The following FAM91A1 variants were observed in gnomAD, a reference collection of about 807,000 sequenced individuals.
FAM91A1 encodes the protein family with sequence similarity 91 member A1.
A neutral mutation model predicts 113.5 loss-of-function variants in FAM91A1; 41 were observed. The observed-to-expected ratio is 0.36, with a 90% CI of 0.28 to 0.47. FAM91A1 has a LOEUF of 0.47. FAM91A1 is among the 20% of genes least tolerant of loss of function. FAM91A1 has a pLI of 1.00. For synonymous variants in FAM91A1, 307 were observed against 347.9 expected (o/e 0.88, Z 1.31); for missense variants, 696 against 1,001.2 (o/e 0.70, Z 4.11).
chr8:123,798,386 A>G (rs1309098874), intron 16 of FAM91A1, 148 bp downstream of exon 16: 9 of 870,972 alleles, frequency 1.0e-5, no homozygotes, highest in Non-Finnish European at 1.2e-5. Flanking sequence ...GATATGTTCA[A>G]TTTGTGGAGT....
intron 19 of FAM91A1, among the ~76,000 whole-genome samples, 192 bp from the exon 20 acceptor site, chr8:123,805,888 A>G (rs768872710): frequency 2.0e-5 from 3 of 152,222 alleles, no homozygotes; most frequent in African/African-American, 4.8e-5. Context: ...TAATTTAGGC[A>G]TGTGATTTCA....
chr8:123,777,945 T>C (rs2130056922), intron 4 of FAM91A1, 80 bp from the exon 5 acceptor site: 1 of 1,248,138 alleles, frequency 8.0e-7, no homozygotes, highest in South Asian at 1.3e-5. Flanking sequence ...TAAGCTCGGG[T>C]TTTTCCTACA....
At chr8:123,788,373 C>A (rs1349721685) in intron 14 of FAM91A1, 3 of 459,918 alleles carry the variant, frequency 6.5e-6, no homozygotes, top group Non-Finnish European at 8.6e-6. Context: ...CTAATCTGTT[C>A]CTTGACTAAT....
intron 23 of FAM91A1, among the ~76,000 whole-genome samples, chr8:123,811,817 T>A (rs935883348): frequency 3.9e-5 from 6 of 151,996 alleles, no homozygotes; most frequent in African/African-American, 1.2e-4. Flanking sequence ...CTGAGAAGCG[T>A]GGAGTAGGTG....
chr8:123,780,415 G>A, intron 7 of FAM91A1, 65 bp from the exon 8 acceptor site: 1 of 1,269,540 alleles, frequency 7.9e-7, no homozygotes, highest in African/African-American at 1.5e-5. Context: ...CCAGGAATTA[G>A]TTTTTTTAAA....
chr8:123,809,109 A>G (rs1815887253), intron 22 of FAM91A1, 93 bp downstream of exon 22: 2 of 1,517,748 alleles, frequency 1.3e-6, no homozygotes, highest in Non-Finnish European at 1.8e-6. Context: ...ACACATGAGC[A>G]CAGTAATTGT....
chr8:123,807,157 GTACT>G (rs1815831693), intron 20 of FAM91A1, among the ~76,000 whole-genome samples: 1 of 151,922 alleles, frequency 6.6e-6, no homozygotes. Context: ...ATTGAGATAG[GTACT>G]TACTCCTATC....
At chr8:123,809,295 T>C (rs1815891917) in intron 22 of FAM91A1, among the ~76,000 whole-genome samples, 1 of 152,198 alleles carries the variant, frequency 6.6e-6, no homozygotes, top group African/African-American at 2.4e-5. Flanking sequence ...ATGGGCATGC[T>C]GATATGGAGT....
At chr8:123,771,435 G>T (rs190033979) in intron 1 of FAM91A1, among the ~76,000 whole-genome samples, 28 of 152,258 alleles carry the variant, frequency 1.8e-4, no homozygotes, top group Non-Finnish European at 3.7e-4. Flanking sequence ...CCTTGAAAAT[G>T]ACTCATTTTC....
chr8:123,785,606 A>G, intron 10 of FAM91A1, 23 bp from the exon 11 acceptor site: 1 of 1,452,248 alleles, frequency 6.9e-7, no homozygotes, highest in Middle Eastern at 2.3e-4. Flanking sequence ...AATGGTAATT[A>G]GTTTCCTTTA....
intron 22 of FAM91A1, 85 bp downstream of exon 22, chr8:123,809,101 A>T (rs1288229450): frequency 1.0e-5 from 16 of 1,536,268 alleles, no homozygotes; most frequent in Non-Finnish European, 1.4e-5. Flanking sequence ...TTTATTCCAC[A>T]CATGAGCACA....
At chr8:123,793,857 T>C (rs1408853133) in intron 15 of FAM91A1, among the ~76,000 whole-genome samples, 1 of 152,218 alleles carries the variant, frequency 6.6e-6, no homozygotes, top group African/African-American at 2.4e-5. Flanking sequence ...GCTACCTTGC[T>C]CTTCTGAAGT....
rs1387982938 is a variant in FAM91A1 at position 123,799,816 on chromosome 8, A to C, written c.1740A>C (p.Gly580=). 2 of 1,610,252 alleles carry C rather than the reference A, an allele frequency of 1.2e-6. No individual in the cohort carries two copies. The highest frequency in any genetic ancestry group is 4.5e-5 in the East Asian group (2 of 44,774). Reference sequence around the variant, plus strand: ...TAACATCTTGGGGTCATGATCCTGGAGTAGTTCCTACCTCAAATGTGCTCA... The same window carrying C: ...TAACATCTTGGGGTCATGATCCTGGCGTAGTTCCTACCTCAAATGTGCTCA... The part of the protein sequence containing the change: ...LLITSWGHDP[G]VVPTSNVLTM... The change falls in exon 18 of 24, where the codon GGA becomes GGC. Residue 580 remains glycine, a synonymous_variant. Transcript: ENST00000334705.
At position 123,781,731 on chromosome 8, in the gene FAM91A1, C is replaced by T. The variant is rs1029001507; in HGVS notation, c.703+1189C>T. Reference sequence around the variant, plus strand: ...AACTCCTGACCTCAAGCAATCTGCCCGCCTCGGCCTCCCAAAGTGCTGGGA... The same window carrying T: ...AACTCCTGACCTCAAGCAATCTGCCTGCCTCGGCCTCCCAAAGTGCTGGGA... On this transcript the variant is annotated intron_variant, in intron 8 of 23. Coordinates refer to ENST00000334705, the MANE Select transcript of FAM91A1 (RefSeq NM_144963.4). Among the ~76,000 whole-genome samples, 19 of 152,236 alleles carry T rather than the reference C, an allele frequency of 1.2e-4. 1 individual carries two copies. Among genetic ancestry groups the T allele is most frequent in the South Asian group, 8.3e-4 (4 of 4,832 alleles).
At chr8:123,788,082 A>G in intron 14 of FAM91A1, 1 of 648,712 alleles carries the variant, frequency 1.5e-6, no homozygotes, top group Non-Finnish European at 1.9e-6. Context: ...TTTTTCTGGT[A>G]TGACTCTCTA....
In FAM91A1 at chr8:123,789,613, G is replaced by A. The variant is rs1188636066; in HGVS notation, c.1279G>A (p.Val427Ile). The change falls in exon 15 of 24, where the codon GTT (valine) becomes ATT (isoleucine). Residue 427 changes from valine to isoleucine, a missense_variant and splice_region_variant. Coordinates refer to ENST00000334705, the MANE Select transcript of FAM91A1 (RefSeq NM_144963.4). ...CAAAATCTATTTTCTCTTGGTTTAG[G>A]TTCAGAGCACTGGTGAAGGAGAAGC... is the stretch of plus-strand genomic sequence containing the variant. ...LDSFLIELEK[V>I]QSTGEGEAQR... 9.9e-6 allele frequency: 16 copies of A among 1,611,422 alleles called. 1 individual carries two copies. Among genetic ancestry groups the A allele is most frequent in the Admixed American group, 1.7e-5 (1 of 59,956 alleles).
At chr8:123,791,135 T>A (rs2130106012) in intron 15 of FAM91A1, among the ~76,000 whole-genome samples, 1 of 152,262 alleles carries the variant, frequency 6.6e-6, no homozygotes, top group South Asian at 2.1e-4. Flanking sequence ...GTGAGAACAT[T>A]AGAGAGTACT....
chr8:123,795,028 G>T (rs1466581725), intron 15 of FAM91A1, among the ~76,000 whole-genome samples: 1 of 152,138 alleles, frequency 6.6e-6, no homozygotes, highest in Non-Finnish European at 1.5e-5. Flanking sequence ...TTTTATGTGG[G>T]TGCAGGATTA....
chr8:123,807,804 T>C (rs953007507), intron 20 of FAM91A1, among the ~76,000 whole-genome samples: 2 of 152,148 alleles, frequency 1.3e-5, no homozygotes, highest in Non-Finnish European at 2.9e-5. Context: ...AGTAGAGAAG[T>C]AGATAAGGTC....
Sources: allele counts gnomAD v4.1 joint callset (sites outside exome capture counted in the v4.1 genomes callset), GRCh38; gene constraint gnomAD v4.1.1; transcripts MANE v1.5; gene names NCBI Gene and HGNC (gene_info 2026-07-23, HGNC 2026-07-21).